The following TRABD2B variants were observed in gnomAD, a reference collection of about 807,000 sequenced individuals.
TRABD2B encodes TraB domain containing 2B, also known as metalloprotease TIKI2.
TRABD2B carries 14 observed loss-of-function variants against 40.1 expected under a neutral mutation model. The observed-to-expected ratio is 0.35, with a 90% CI of 0.23 to 0.55. TRABD2B has a LOEUF of 0.55. Among genes scored for constraint, TRABD2B ranks in the 20% least tolerant of loss-of-function variants. The pLI, the probability that TRABD2B is intolerant of heterozygous loss-of-function variation, is 0.90. For synonymous variants in TRABD2B, 263 were observed against 277.0 expected, an observed-to-expected ratio of 0.95 and a Z score of 0.50; for missense variants, 541 against 648.6, an observed-to-expected ratio of 0.83 and a Z score of 1.80.
At chr1:47,848,650 G>A (rs776849426) in intron 2 of TRABD2B, among the ~76,000 whole-genome samples, 3 of 152,150 alleles carry the variant, frequency 2.0e-5, no homozygotes, top group African/African-American at 4.8e-5. Context: ...GGAAACTGAG[G>A]GCTGCAAATA....
chr1:47,791,326 G>C (rs1644668958), intron 4 of TRABD2B, among the ~76,000 whole-genome samples: 1 of 152,230 alleles, frequency 6.6e-6, no homozygotes, highest in African/African-American at 2.4e-5. Context: ...GCAGGGGCTT[G>C]GCTCAGACAC....
At chr1:47,962,373 CAAAT>C (rs1324448108) in intron 2 of TRABD2B, among the ~76,000 whole-genome samples, 1 of 151,950 alleles carries the variant, frequency 6.6e-6, no homozygotes, top group African/African-American at 2.4e-5. Flanking sequence ...AACAAACAAA[CAAAT>C]AAATAAATAA....
intron 4 of TRABD2B, among the ~76,000 whole-genome samples, chr1:47,787,188 G>C (rs940756872): frequency 2.6e-5 from 4 of 152,168 alleles, no homozygotes; most frequent in Admixed American, 6.5e-5. Context: ...GAAGGCAGCT[G>C]GATCTGCATC....
intron 2 of TRABD2B, among the ~76,000 whole-genome samples, chr1:47,925,298 T>A (rs1322891375): frequency 6.6e-6 from 1 of 152,006 alleles, no homozygotes; most frequent in African/African-American, 2.4e-5. Flanking sequence ...TTATCCTTCA[T>A]AAACAAAGAA....
chr1:47,807,151 G>T (rs1198141724), intron 2 of TRABD2B, among the ~76,000 whole-genome samples: 2 of 152,186 alleles, frequency 1.3e-5, no homozygotes, highest in East Asian at 3.8e-4. Flanking sequence ...ACACAACAAT[G>T]GCTTCATTAA....
chr1:47,765,977 G>A lies in TRABD2B; in HGVS notation c.1479C>T (p.Pro493=). 1 of 702,558 alleles carries A rather than the reference G, an allele frequency of 1.4e-6. No homozygotes were observed. Among genetic ancestry groups the A allele is most frequent in the Non-Finnish European group, 2.6e-6 (1 of 384,784 alleles). 43.5% of individuals were successfully genotyped at this position (702,558 alleles called of 1,614,324 possible). Residue 493 remains proline (P), a synonymous_variant, in exon 7 of 7, where the codon CCC becomes CCT. Transcript: ENST00000606738. ...DPPGPASSSA[P]TLGLLPAIAT... Reference sequence around the variant, plus strand: ...CGATGGCGGGGAGAAGGCCCAGGGTGGGTGCCGAGCTGCTGGCGGGCCCTG... The same window carrying A: ...CGATGGCGGGGAGAAGGCCCAGGGTAGGTGCCGAGCTGCTGGCGGGCCCTG...
chr1:47,766,420 G>C (rs937735281), intron 6 of TRABD2B, among the ~76,000 whole-genome samples: 18 of 152,096 alleles, frequency 1.2e-4, no homozygotes, highest in Non-Finnish European at 2.4e-4. Flanking sequence ...ATAGTGTTTT[G>C]GGGAGATAGA....
At chr1:47,840,771 A>C (rs187333728) in intron 2 of TRABD2B, among the ~76,000 whole-genome samples, 4 of 152,334 alleles carry the variant, frequency 2.6e-5, no homozygotes, top group Admixed American at 2.6e-4. Context: ...GAAGGAATCA[A>C]CTTGGGGCGT....
At chr1:47,933,382 G>A (rs962356427) in intron 2 of TRABD2B, among the ~76,000 whole-genome samples, 3 of 152,068 alleles carry the variant, frequency 2.0e-5, no homozygotes, top group African/African-American at 4.8e-5. Context: ...AAAGTGCTGG[G>A]ATTACAGGCG....
intron 2 of TRABD2B, among the ~76,000 whole-genome samples, chr1:47,971,340 C>G (rs1413020599): frequency 3.3e-5 from 5 of 152,222 alleles, no homozygotes; most frequent in African/African-American, 1.2e-4. Flanking sequence ...AATGTCAGCT[C>G]TCTCAATACA....
intron 2 of TRABD2B, among the ~76,000 whole-genome samples, chr1:47,944,270 C>T (rs1259629228): frequency 1.3e-5 from 2 of 152,116 alleles, no homozygotes; most frequent in Non-Finnish European, 2.9e-5. Context: ...GCAACCTTGG[C>T]ACTGAGCTGT....
chr1:47,865,794 C>G (rs1557623156), intron 2 of TRABD2B, among the ~76,000 whole-genome samples: 1 of 152,104 alleles, frequency 6.6e-6, no homozygotes, highest in Non-Finnish European at 1.5e-5. Flanking sequence ...GGCTCTTAGT[C>G]AAACATGCAG....
rs934563645 is a variant in TRABD2B, at chr1:47,970,767, G to C, written c.666+23267C>G. Among the ~76,000 whole-genome samples, 28 of 152,146 alleles carry C rather than the reference G, an allele frequency of 1.8e-4. 1 individual carries two copies. The highest frequency in any genetic ancestry group is 6.0e-4 in the African/African-American group (25 of 41,426). ...CTCAGGTCTGCTGTGTGCATTCTGG[G>C]ACCCAGGCTGAAGAGGCAGCAGCTA... On this transcript the variant is annotated intron_variant, in intron 2 of 6. Coordinates refer to ENST00000606738, the MANE Select transcript of TRABD2B (RefSeq NM_001194986.2).
intron 2 of TRABD2B, among the ~76,000 whole-genome samples, chr1:47,871,847 A>G (rs1644146094): frequency 6.6e-6 from 1 of 152,184 alleles, no homozygotes; most frequent in Non-Finnish European, 1.5e-5. Flanking sequence ...CAACATGGGG[A>G]TCTTGGTACA....
chr1:47,903,352 ACCCAGCTGTGCCTCTCCTACTG>A (rs1325348796), intron 2 of TRABD2B, among the ~76,000 whole-genome samples: 2 of 151,526 alleles, frequency 1.3e-5, no homozygotes, highest in African/African-American at 4.9e-5. Flanking sequence ...ATTCACAGAG[ACCCAGCTGTGCCTCTCCTACTG>A]CCCAGCTGTG....
intron 3 of TRABD2B, among the ~76,000 whole-genome samples, chr1:47,800,032 C>A (rs74069686): frequency 0.018 from 1,839 of 103,906 alleles, 13 homozygotes; most frequent in Middle Eastern, 0.045. Flanking sequence ...TCCTTCCTTC[C>A]TTCATTCATT....
At position 47,778,495 on chromosome 1, in the gene TRABD2B, C is replaced by T. The variant is rs950346369; in HGVS notation, c.1038G>A (p.Gly346=). Residue 346 remains glycine, a synonymous_variant, in exon 5 of 7, where the codon GGG becomes GGA. Coordinates refer to ENST00000606738, the MANE Select transcript of TRABD2B (RefSeq NM_001194986.2). ...NTVIDILRQA[G]LEVDHTPAGQ... is the part of the protein sequence containing the mutation. Reference sequence around the variant, plus strand: ...CGGCGGGTGTGTGGTCCACCTCCAGCCCTGCCTGCCGCAGGATGTCGATGA... The same window carrying T: ...CGGCGGGTGTGTGGTCCACCTCCAGTCCTGCCTGCCGCAGGATGTCGATGA... 3.9e-5 allele frequency: 60 copies of T among 1,536,066 alleles called. 1 individual carries two copies. The highest frequency in any genetic ancestry group is 4.6e-5 in the Non-Finnish European group (53 of 1,146,924).
rs978745374 is a variant in TRABD2B, at chr1:47,994,671, G to A, written c.103-74C>T. 8.2e-6 allele frequency: 11 copies of A among 1,344,498 alleles called. No homozygotes were observed. Among genetic ancestry groups the A allele is most frequent in the East Asian group, 5.0e-5 (2 of 39,738 alleles). The allele number at this position is 1,344,498 out of a possible 1,614,324, so 83.3% of individuals were successfully genotyped here. A position where few individuals can be genotyped will look rare whatever the true frequency, so the allele number is the denominator to read the frequency against. The stretch of plus-strand genomic sequence containing the variant: ...TAGAGTCAGGGTAGCCCAGAGGCAC[G>A]TTGCAGAGGGAGGTGGGGATGGGAG... On this transcript the variant is annotated intron_variant, in intron 1 of 6. Coordinates refer to ENST00000606738, the MANE Select transcript of TRABD2B (RefSeq NM_001194986.2). This position sits in a 1 kb window ranked among gnomAD's most constrained non-coding sequence, Gnocchi z 6.7.
At chr1:47,798,270 C>A (rs570798736) in intron 3 of TRABD2B, among the ~76,000 whole-genome samples, 5 of 152,358 alleles carry the variant, frequency 3.3e-5, no homozygotes, top group African/African-American at 1.2e-4. Flanking sequence ...AGGTCGATGG[C>A]TAGAGGAGAT....
Sources: allele counts gnomAD v4.1 joint callset (sites outside exome capture counted in the v4.1 genomes callset), GRCh38; gene constraint gnomAD v4.1.1; non-coding constraint Gnocchi (gnomAD v3.1); transcripts MANE v1.5; gene names NCBI Gene and HGNC (gene_info 2026-07-23, HGNC 2026-07-21).